The following KIF26B variants were observed in gnomAD, a reference collection of about 807,000 sequenced individuals.
The protein encoded by KIF26B is kinesin-like protein KIF26B.
In KIF26B, 63 loss-of-function variants were observed where a neutral mutation model predicts 151.2. That is an observed-to-expected ratio of 0.42 (90% CI 0.34 to 0.51). KIF26B has a LOEUF of 0.51. Ranked by LOEUF, KIF26B falls within the 20% of genes least tolerant of loss-of-function variation. The pLI is 0.07. For missense variants in KIF26B, 2,813 were observed against 2,913.6 expected, an observed-to-expected ratio of 0.97 and a Z score of 0.79; for synonymous variants, 1,357 against 1,262.1, an observed-to-expected ratio of 1.08 and a Z score of -1.59.
chr1:245,633,962 T>G (rs10924267), intron 9 of KIF26B, among the ~76,000 whole-genome samples: 13,815 of 152,140 alleles, frequency 0.091, 780 homozygotes, highest in Admixed American at 0.18. Context: ...CATGACATCA[T>G]ACCCAGCTAA....
At chr1:245,586,192 TG>T (rs2043222397) in intron 5 of KIF26B, among the ~76,000 whole-genome samples, 1 of 143,270 alleles carries the variant, frequency 7.0e-6, no homozygotes, top group East Asian at 2.0e-4. Flanking sequence ...TGTGTGTGTG[TG>T]TGTGTTTGTT....
intron 4 of KIF26B, among the ~76,000 whole-genome samples, chr1:245,451,004 C>T (rs187189020): frequency 5.3e-5 from 8 of 152,098 alleles, no homozygotes; most frequent in Middle Eastern, 3.4e-3. Flanking sequence ...CTCGTGCCCA[C>T]GGCCATTACA....
In KIF26B at chr1:245,672,340, G is replaced by T. The variant is rs558147302; in HGVS notation, c.2259-11893G>T. ...AGAATCCTGTTTTAAGCTTCACGCT[G>T]CTGACTAAACAGAAAGGCCACGGCA... On this transcript the variant is annotated intron_variant, in intron 10 of 14. Transcript: ENST00000407071. Among the ~76,000 whole-genome samples, 25 of 152,342 alleles carry T rather than the reference G, an allele frequency of 1.6e-4. No individual in the cohort carries two copies. In the South Asian group the frequency reaches 5.2e-3, roughly 32 times the overall value.
intron 2 of KIF26B, among the ~76,000 whole-genome samples, chr1:245,325,634 C>T (rs1671975216): frequency 6.6e-6 from 1 of 152,052 alleles, no homozygotes; most frequent in Non-Finnish European, 1.5e-5. Flanking sequence ...TCGCTTGAAC[C>T]CAGGAGGCAG....
intron 2 of KIF26B, among the ~76,000 whole-genome samples, chr1:245,327,724 C>T (rs1672018974): frequency 6.6e-6 from 1 of 152,228 alleles, no homozygotes; most frequent in African/African-American, 2.4e-5. Context: ...AGTCTAGCCT[C>T]TGACATCTTT....
At chr1:245,603,332 G>A (rs1373381358) in intron 6 of KIF26B, among the ~76,000 whole-genome samples, 2 of 152,090 alleles carry the variant, frequency 1.3e-5, no homozygotes, top group Non-Finnish European at 2.9e-5. Flanking sequence ...AGAGGCTCAG[G>A]GACAGGTGTT....
At chr1:245,199,359 G>T (rs1669256639) in intron 2 of KIF26B, among the ~76,000 whole-genome samples, 1 of 152,150 alleles carries the variant, frequency 6.6e-6, no homozygotes, top group African/African-American at 2.4e-5. Flanking sequence ...CAGGGTGTAT[G>T]TTGGATGGTA....
chr1:245,661,294 A>T (rs10924292), intron 10 of KIF26B, among the ~76,000 whole-genome samples: 9,877 of 151,756 alleles, frequency 0.065, 694 homozygotes, highest in East Asian at 0.35. Flanking sequence ...GGCCCATTTT[A>T]ATTATTTTGT....
chr1:245,470,569 C>T (rs574986604), intron 4 of KIF26B, among the ~76,000 whole-genome samples: 206 of 151,850 alleles, frequency 1.4e-3, no homozygotes, highest in Non-Finnish European at 1.6e-3. Flanking sequence ...TAGCTGGGAC[C>T]ACAGGCACCC....
intron 4 of KIF26B, among the ~76,000 whole-genome samples, chr1:245,482,335 G>A (rs573152688): frequency 6.6e-6 from 1 of 151,852 alleles, no homozygotes; most frequent in African/African-American, 2.4e-5. Context: ...TGATCCTCCC[G>A]CCTCAGCCTC....
chr1:245,383,148 C>T (rs1434331870), intron 3 of KIF26B, among the ~76,000 whole-genome samples: 2 of 151,970 alleles, frequency 1.3e-5, no homozygotes, highest in East Asian at 3.9e-4. Context: ...CTGCTTATTG[C>T]AGCCCGAAGG....
chr1:245,430,878 G>A (rs774767280), intron 4 of KIF26B, among the ~76,000 whole-genome samples: 20 of 152,124 alleles, frequency 1.3e-4, no homozygotes, highest in African/African-American at 2.2e-4. Context: ...ATAGGGATCC[G>A]AGCCAGGTGT....
In KIF26B at chr1:245,358,296, G is replaced by A. The variant is rs550156274; in HGVS notation, c.466-8538G>A. Among the ~76,000 whole-genome samples the A allele has an allele frequency of 3.9e-5, 6 of 152,134 alleles. No homozygotes were observed. In the South Asian group the frequency reaches 6.2e-4, roughly 16 times the overall value. On this transcript the variant is annotated intron_variant, in intron 2 of 14. Transcript: ENST00000407071. This position sits in a 1 kb window ranked among gnomAD's most constrained non-coding sequence, Gnocchi z 4.1. The stretch of plus-strand genomic sequence containing the variant: ...AGTTTAAGAAAACACAGCCAAGGGC[G>A]GATCATGAGGTCAGGAAATCGAGAC...
At chr1:245,360,036 C>T (rs893293899) in intron 2 of KIF26B, among the ~76,000 whole-genome samples, 1 of 151,796 alleles carries the variant, frequency 6.6e-6, no homozygotes, top group Admixed American at 6.6e-5. Flanking sequence ...CCATGCCCGG[C>T]TAATTTTTTT....
At chr1:245,417,704 C>T (rs1413841999) in intron 3 of KIF26B, among the ~76,000 whole-genome samples, 1 of 152,218 alleles carries the variant, frequency 6.6e-6, no homozygotes, top group African/African-American at 2.4e-5. Context: ...GCTGTGAACC[C>T]ACAGGTCGCT....
At chr1:245,683,872 C>G (rs2044471306) in intron 10 of KIF26B, among the ~76,000 whole-genome samples, 1 of 152,174 alleles carries the variant, frequency 6.6e-6, no homozygotes, top group Non-Finnish European at 1.5e-5. Context: ...GTGCAGTCAG[C>G]AAGCCGAGTC....
At chr1:245,498,115 C>A (rs915100365) in intron 4 of KIF26B, among the ~76,000 whole-genome samples, 2 of 152,226 alleles carry the variant, frequency 1.3e-5, no homozygotes, top group Admixed American at 6.5e-5. Context: ...AAATTGCCAT[C>A]TTGTTCCATT....
chr1:245,632,106 T>C (rs767744525), intron 9 of KIF26B, among the ~76,000 whole-genome samples: 3 of 152,144 alleles, frequency 2.0e-5, no homozygotes, highest in Non-Finnish European at 2.9e-5. Context: ...CTTTTTTAGT[T>C]CCTTGAGATG....
chr1:245,332,202 G>A (rs184570245), intron 2 of KIF26B, among the ~76,000 whole-genome samples: 96 of 152,318 alleles, frequency 6.3e-4, no homozygotes, highest in South Asian at 2.3e-3. Context: ...ACTGGATTAC[G>A]CTGCTGCAGA....
Sources: gnomAD v4.1 joint callset for allele counts (sites outside exome capture counted in the v4.1 genomes callset) on GRCh38, gnomAD v4.1.1 for gene constraint, Gnocchi (gnomAD v3.1) non-coding constraint, MANE v1.5 for transcripts, NCBI Gene and HGNC (gene_info 2026-07-23, HGNC 2026-07-21) for gene names.